MYRIP: variants seen among roughly 807,000 people sequenced by gnomAD.
MYRIP encodes rab effector MyRIP.
A neutral mutation model predicts 98.0 loss-of-function variants in MYRIP; 49 were observed. The observed-to-expected ratio is 0.50, with a 90% CI of 0.40 to 0.63. MYRIP has a LOEUF of 0.63. Among genes scored for constraint, MYRIP ranks in the 30% least tolerant of loss-of-function variants. The probability of loss-of-function intolerance (pLI) is 0.00; values close to 1 mark genes in which losing one functional copy is unlikely to be tolerated. For synonymous variants in MYRIP, 404 were observed against 409.5 expected (o/e 0.99, Z 0.16); for missense variants, 1,004 against 1,058.2 (o/e 0.95, Z 0.71).
intron 1 of MYRIP, among the ~76,000 whole-genome samples, chr3:39,856,495 C>T (rs1559498242): frequency 1.3e-5 from 2 of 152,214 alleles, no homozygotes; most frequent in South Asian, 4.1e-4. Context: ...ACACCACCCA[C>T]TGGAAAAGCA....
chr3:40,172,774 C>T (rs1950645075), intron 8 of MYRIP, among the ~76,000 whole-genome samples: 1 of 152,194 alleles, frequency 6.6e-6, no homozygotes, highest in Non-Finnish European at 1.5e-5. Context: ...TCTCCCCTTC[C>T]TTCCCCCACA....
chr3:39,963,002 T>C (rs1321434835), intron 2 of MYRIP, among the ~76,000 whole-genome samples: 2 of 152,120 alleles, frequency 1.3e-5, no homozygotes, highest in Admixed American at 6.6e-5. Flanking sequence ...CAACAGTAAA[T>C]AAAATTATGT....
chr3:39,821,254 T>C (rs1424041097), intron 1 of MYRIP, among the ~76,000 whole-genome samples: 2 of 152,150 alleles, frequency 1.3e-5, no homozygotes, highest in African/African-American at 4.8e-5. Context: ...AAGTCCCTTG[T>C]ACATAGTGGG....
At chr3:40,192,309 C>CATATATATATGACAT (rs1322376887) in intron 10 of MYRIP, among the ~76,000 whole-genome samples, 988 of 57,946 alleles carry the variant, frequency 0.017, 189 homozygotes, top group Non-Finnish European at 0.021. Flanking sequence ...TAGTTTTCTT[C>CATATATATATGACAT]ATATATATAT....
chr3:40,181,388 T>C (rs1327440507), intron 8 of MYRIP, among the ~76,000 whole-genome samples: 1 of 151,802 alleles, frequency 6.6e-6, no homozygotes, highest in Non-Finnish European at 1.5e-5. Context: ...CAGAAGGGAG[T>C]AGGGGCTGCT....
At chr3:40,154,297 C>G (rs187709272) in intron 4 of MYRIP, among the ~76,000 whole-genome samples, 8 of 152,200 alleles carry the variant, frequency 5.3e-5, no homozygotes, top group African/African-American at 1.9e-4. Context: ...CAGATTAGGC[C>G]TAAAAGAAAA....
rs898851700 is a variant in MYRIP at position 39,918,119 on chromosome 3, G to T, written c.110+17193G>T. ...TTTTTTGTATTTTTAGTAGAGACGGGGTTTCACCGTGGTCTCGATCTCCTG... is the reference window on the plus strand; with the variant it reads ...TTTTTTGTATTTTTAGTAGAGACGGTGTTTCACCGTGGTCTCGATCTCCTG... On this transcript the variant is annotated intron_variant, in intron 2 of 16. Transcript: ENST00000302541. Among the ~76,000 whole-genome samples the T allele has an allele frequency of 1.4e-4, 21 of 152,056 alleles. 1 individual carries two copies. The Middle Eastern group carries it at 0.017, about 123-fold the overall frequency.
chr3:40,245,747 AT>A (rs539410162), intron 13 of MYRIP, among the ~76,000 whole-genome samples: 37,414 of 95,250 alleles, frequency 0.39, 7,334 homozygotes, highest in Non-Finnish European at 0.5. Flanking sequence ...TGGTTTGCTG[AT>A]TTTTTTTTTT....
At chr3:39,845,209 G>A (rs1026853116) in intron 1 of MYRIP, among the ~76,000 whole-genome samples, 14 of 152,268 alleles carry the variant, frequency 9.2e-5, no homozygotes, top group Non-Finnish European at 1.5e-4. Flanking sequence ...CAGCTGGAGA[G>A]GTAGAGTGCT....
chr3:39,831,848 T>C (rs1411148922), intron 1 of MYRIP, among the ~76,000 whole-genome samples: 1 of 152,232 alleles, frequency 6.6e-6, no homozygotes, highest in South Asian at 2.1e-4. Context: ...GGCTCTCGTA[T>C]TGGACAGTGC....
intron 3 of MYRIP, among the ~76,000 whole-genome samples, chr3:40,068,475 G>A (rs958512373): frequency 4.6e-5 from 7 of 152,192 alleles, no homozygotes; most frequent in Non-Finnish European, 1.0e-4. Flanking sequence ...TGGAACCAGA[G>A]TTACACTAAG....
At chr3:39,830,522 A>C (rs1373863761) in intron 1 of MYRIP, among the ~76,000 whole-genome samples, 1 of 152,188 alleles carries the variant, frequency 6.6e-6, no homozygotes, top group Non-Finnish European at 1.5e-5. Context: ...TGAGAAAACC[A>C]AAGCCATTGT....
intron 2 of MYRIP, among the ~76,000 whole-genome samples, chr3:39,975,126 T>C (rs1042322389): frequency 2.0e-5 from 3 of 152,218 alleles, no homozygotes; most frequent in Non-Finnish European, 4.4e-5. Flanking sequence ...GCAGATGACA[T>C]GATTGTATGT....
intron 11 of MYRIP, among the ~76,000 whole-genome samples, chr3:40,217,970 T>C (rs1952174676): frequency 1.3e-5 from 2 of 152,132 alleles, no homozygotes; most frequent in African/African-American, 2.4e-5. Context: ...GAAATAAGTT[T>C]GGTAGGATGG....
chr3:40,143,782 TTG>T (rs1176078888), intron 3 of MYRIP, among the ~76,000 whole-genome samples: 1 of 152,250 alleles, frequency 6.6e-6, no homozygotes, highest in African/African-American at 2.4e-5. Context: ...CTTATCATTT[TTG>T]TGTGTGACAT....
At chr3:40,252,784 T>C (rs1211852226) in intron 16 of MYRIP, among the ~76,000 whole-genome samples, 1 of 152,224 alleles carries the variant, frequency 6.6e-6, no homozygotes, top group Non-Finnish European at 1.5e-5. Flanking sequence ...GCTTTAAACT[T>C]ACCCACAGAA....
chr3:39,980,880 G>T (rs1945877612), intron 2 of MYRIP, among the ~76,000 whole-genome samples: 1 of 152,284 alleles, frequency 6.6e-6, no homozygotes, highest in East Asian at 1.9e-4. Flanking sequence ...GCCAGGGGCT[G>T]GGAGGAAGCA....
chr3:40,258,263 G>C lies in MYRIP; in HGVS notation c.*97G>C. On this transcript the variant is annotated 3_prime_UTR_variant, in exon 17 of 17. Coordinates refer to ENST00000302541, the MANE Select transcript of MYRIP (RefSeq NM_015460.4). ...TCGAGTACTGTATGTATTTCCACCT[G>C]AGGAGAAGGCCTGGGGAGGCCACAG... 6.8e-7 allele frequency: 1 copy of C among 1,466,146 alleles called. No individual in the cohort carries two copies. The highest frequency in any genetic ancestry group is 9.5e-7 in the Non-Finnish European group (1 of 1,047,836). The allele number at this position is 1,466,146 out of a possible 1,614,324, so 90.8% of individuals were successfully genotyped here.
At chr3:40,058,876 T>C (rs956000727) in intron 3 of MYRIP, among the ~76,000 whole-genome samples, 1 of 152,154 alleles carries the variant, frequency 6.6e-6, no homozygotes, top group African/African-American at 2.4e-5. Context: ...GGTGGTTTGC[T>C]GCACCCATCA....
Sources: gnomAD v4.1 joint callset for allele counts (sites outside exome capture counted in the v4.1 genomes callset) on GRCh38, gnomAD v4.1.1 for gene constraint, MANE v1.5 for transcripts, NCBI Gene and HGNC (gene_info 2026-07-23, HGNC 2026-07-21) for gene names.